Variants in SLC24A2 observed in about 807,000 individuals in gnomAD.
SLC24A2 encodes solute carrier family 24 member 2, also known as sodium/potassium/calcium exchanger 2.
Under a neutral mutation model 62.0 loss-of-function variants are expected in SLC24A2, and 36 were observed. That is an observed-to-expected ratio of 0.58 (90% CI 0.44 to 0.77). SLC24A2 has a LOEUF of 0.77. Ranked by LOEUF, SLC24A2 falls within the 30% of genes least tolerant of loss-of-function variation. SLC24A2 has a pLI of 0.00. For missense variants in SLC24A2, 846 were observed against 817.9 expected, an observed-to-expected ratio of 1.03 and a Z score of -0.42; for synonymous variants, 358 against 294.0, an observed-to-expected ratio of 1.22 and a Z score of -2.23.
chr9:19,636,720 C>G (rs546382903), intron 2 of SLC24A2, among the ~76,000 whole-genome samples: 8 of 152,206 alleles, frequency 5.3e-5, no homozygotes, highest in African/African-American at 1.9e-4. Flanking sequence ...AGGTGTGAGC[C>G]ACCACGCCTG....
At chr9:20,147,354 G>T in the SLC24A2 span, among the ~76,000 whole-genome samples, 140,552 of 152,228 alleles carry the variant, frequency 0.92, 64,932 homozygotes, top group South Asian at 0.96. Flanking sequence ...CACAGGGGAA[G>T]GAAAACCATG....
the SLC24A2 span, among the ~76,000 whole-genome samples, chr9:19,932,612 G>A: frequency 1.3e-5 from 2 of 152,122 alleles, no homozygotes; most frequent in Admixed American, 6.5e-5. Flanking sequence ...AGTTCACTTC[G>A]TGGGTATGTG....
At chr9:19,784,630 T>C (rs1332176549) in intron 2 of SLC24A2, among the ~76,000 whole-genome samples, 2 of 152,216 alleles carry the variant, frequency 1.3e-5, no homozygotes, top group Non-Finnish European at 2.9e-5. Context: ...GCTGCTAAGT[T>C]AGAGTAGGGG....
chr9:20,281,867 G>A, the SLC24A2 span, among the ~76,000 whole-genome samples: 1 of 152,132 alleles, frequency 6.6e-6, no homozygotes, highest in Admixed American at 6.5e-5. Flanking sequence ...TCCAAAATAT[G>A]AACAACGTAC....
At chr9:19,936,829 A>G in the SLC24A2 span, among the ~76,000 whole-genome samples, 2 of 152,192 alleles carry the variant, frequency 1.3e-5, no homozygotes, top group African/African-American at 2.4e-5. Flanking sequence ...TAAGCCTCTT[A>G]TCTAGATTTA....
chr9:19,705,296 A>G (rs1205031756), intron 2 of SLC24A2: 1 of 153,086 alleles, frequency 6.5e-6, no homozygotes, highest in Non-Finnish European at 1.5e-5. Context: ...TTGTGGCGTG[A>G]CTATGAGGAC....
intron 8 of SLC24A2, among the ~76,000 whole-genome samples, chr9:19,547,493 A>C (rs1834639851): frequency 6.6e-6 from 1 of 152,132 alleles, no homozygotes; most frequent in African/African-American, 2.4e-5. Flanking sequence ...ACCAGTTAGG[A>C]AGTTGGGAGC....
At chr9:20,126,741 A>G in the SLC24A2 span, among the ~76,000 whole-genome samples, 1 of 152,144 alleles carries the variant, frequency 6.6e-6, no homozygotes, top group East Asian at 1.9e-4. Context: ...ACACACATAT[A>G]TTTTATGTTC....
the SLC24A2 span, among the ~76,000 whole-genome samples, chr9:19,880,068 G>C: frequency 6.6e-6 from 1 of 152,060 alleles, no homozygotes; most frequent in Non-Finnish European, 1.5e-5. Flanking sequence ...CTTATGTTTT[G>C]ATTTATTTTT....
At chr9:19,541,952 G>A (rs1417637234) in intron 8 of SLC24A2, among the ~76,000 whole-genome samples, 2 of 152,170 alleles carry the variant, frequency 1.3e-5, no homozygotes, top group African/African-American at 2.4e-5. Context: ...ATATTCGGGT[G>A]GGAGTGACCC....
At chr9:19,916,505 G>C in the SLC24A2 span, among the ~76,000 whole-genome samples, 17 of 152,118 alleles carry the variant, frequency 1.1e-4, no homozygotes, top group Non-Finnish European at 2.1e-4. Flanking sequence ...TCAACTCACT[G>C]TCAACATTTT....
At chr9:20,197,827 T>C in the SLC24A2 span, among the ~76,000 whole-genome samples, 10 of 151,988 alleles carry the variant, frequency 6.6e-5, no homozygotes, top group Non-Finnish European at 7.4e-5. Flanking sequence ...ACAAGCAGGA[T>C]TGGTTCAAAG....
chr9:19,896,671 A>T, the SLC24A2 span, among the ~76,000 whole-genome samples: 139,304 of 152,216 alleles, frequency 0.92, 63,862 homozygotes, highest in African/African-American at 0.96. Context: ...CAGGATTTGA[A>T]CCAGGTCAGT....
chr9:19,799,854 C>A, the SLC24A2 span, among the ~76,000 whole-genome samples: 4 of 152,180 alleles, frequency 2.6e-5, no homozygotes, highest in African/African-American at 9.7e-5. Context: ...GCTGCCTCAA[C>A]AAATGACCAC....
intron 2 of SLC24A2, among the ~76,000 whole-genome samples, chr9:19,775,355 A>T (rs915570997): frequency 1.3e-5 from 2 of 152,218 alleles, no homozygotes; most frequent in Non-Finnish European, 2.9e-5. Flanking sequence ...GGGAACCAAG[A>T]ATGACTGGAG....
At chr9:20,036,967 C>G in the SLC24A2 span, among the ~76,000 whole-genome samples, 1 of 151,964 alleles carries the variant, frequency 6.6e-6, no homozygotes. Flanking sequence ...GTGATCTCAG[C>G]TCACTGCAAC....
At chr9:19,930,392 A>G in the SLC24A2 span, among the ~76,000 whole-genome samples, 6 of 152,226 alleles carry the variant, frequency 3.9e-5, no homozygotes, top group African/African-American at 1.4e-4. Context: ...ACAGATCTGT[A>G]GCCTAGCAGC....
chr9:19,717,542 A>G (rs1287590169), intron 2 of SLC24A2, among the ~76,000 whole-genome samples: 2 of 152,236 alleles, frequency 1.3e-5, no homozygotes. Context: ...CTAAGAACAT[A>G]ACAACCAAAA....
the SLC24A2 span, among the ~76,000 whole-genome samples, chr9:19,981,350 A>T: frequency 6.6e-6 from 1 of 152,184 alleles, no homozygotes; most frequent in Non-Finnish European, 1.5e-5. Context: ...TCTGACTCCA[A>T]GGTTCTACTA....
Sources: allele counts gnomAD v4.1 joint callset (sites outside exome capture counted in the v4.1 genomes callset), GRCh38; gene constraint gnomAD v4.1.1; transcripts MANE v1.5; gene names NCBI Gene and HGNC (gene_info 2026-07-23, HGNC 2026-07-21).